Variants in INIP observed in about 807,000 individuals in gnomAD.
The protein encoded by INIP is SOSS complex subunit C.
A neutral mutation model predicts 14.0 loss-of-function variants in INIP; 9 were observed. The observed-to-expected ratio is 0.64, with a 90% CI of 0.39 to 1.12. The LOEUF is 1.12. INIP is among the 50% of genes most tolerant of loss of function. The pLI, the probability that INIP is intolerant of heterozygous loss-of-function variation, is 0.01. For synonymous variants in INIP, 37 were observed against 41.5 expected (o/e 0.89, Z 0.41); for missense variants, 78 against 122.7 (o/e 0.64, Z 1.72).
chr9:112,702,081 T>TACAC (rs543325577), intron 2 of INIP, among the ~76,000 whole-genome samples: 2 of 150,014 alleles, frequency 1.3e-5, no homozygotes, highest in Non-Finnish European at 3.0e-5. Flanking sequence ...TATATACACA[T>TACAC]ACACACACAC....
chr9:112,694,322 G>C lies in INIP; in HGVS notation c.26-89C>G, dbSNP rs553390698. On this transcript the variant is annotated intron_variant, in intron 2 of 4. Transcript: ENST00000374242. Reference sequence around the variant, plus strand: ...CTATTTTTATAACCTAAGTCATCTAGAACCAAGAAAGCAAAACTCCTATTC... The same window carrying C: ...CTATTTTTATAACCTAAGTCATCTACAACCAAGAAAGCAAAACTCCTATTC... The C allele has an allele frequency of 1.4e-4, 108 of 765,242 alleles. 1 individual carries two copies. The South Asian group carries it at 1.5e-3, about 11-fold the overall frequency. The allele number at this position is 765,242 out of a possible 1,614,324, so 47.4% of individuals were successfully genotyped here.
In INIP at chr9:112,698,481, G is replaced by C. The variant is rs192093532; in HGVS notation, c.26-4248C>G. Among the ~76,000 whole-genome samples the C allele has an allele frequency of 1.4e-3, 207 of 152,142 alleles. 2 individuals carry two copies. The highest frequency in any genetic ancestry group is 4.9e-4 in the Non-Finnish European group (33 of 68,000). On this transcript the variant is annotated intron_variant, in intron 2 of 4. Transcript: ENST00000374242. ...TGTGTATGGCAATCTGATGGTAAAA[G>C]GAGCCATATGTAAATAATAACTGAA...
intron 3 of INIP, 144 bp from the exon 4 acceptor site, chr9:112,689,761 TTTAGTA>T: frequency 1.7e-6 from 1 of 585,218 alleles, no homozygotes; most frequent in South Asian, 2.4e-5. Flanking sequence ...AATATGATGT[TTTAGTA>T]TTTGTATTTG....
chr9:112,695,689 G>C (rs1157207916), intron 2 of INIP, among the ~76,000 whole-genome samples: 1 of 148,736 alleles, frequency 6.7e-6, no homozygotes, highest in African/African-American at 2.5e-5. Context: ...AGTAATAGCA[G>C]ACTCCCTCTA....
intron 2 of INIP, among the ~76,000 whole-genome samples, chr9:112,702,402 T>G (rs2131301172): frequency 6.6e-6 from 1 of 152,226 alleles, no homozygotes; most frequent in African/African-American, 2.4e-5. Context: ...ATACATAAAC[T>G]TCTATAAATT....
chr9:112,693,999 C>T (rs1161765114), intron 3 of INIP, 132 bp downstream of exon 3: 9 of 492,016 alleles, frequency 1.8e-5, no homozygotes, highest in Non-Finnish European at 2.8e-5. Context: ...CGCTAGAACC[C>T]GGGAGGCGGA....
chr9:112,709,386 CAG>C (rs1404115989), intron 2 of INIP, among the ~76,000 whole-genome samples: 1 of 151,974 alleles, frequency 6.6e-6, no homozygotes, highest in African/African-American at 2.4e-5. Context: ...TATGGGAAAA[CAG>C]AATGAATAAG....
At chr9:112,708,477 G>A (rs1347433460) in intron 2 of INIP, among the ~76,000 whole-genome samples, 1 of 152,176 alleles carries the variant, frequency 6.6e-6, no homozygotes, top group Non-Finnish European at 1.5e-5. Context: ...AAATCAGGAG[G>A]AGAGTGATGG....
At chr9:112,700,432 T>C (rs1588080565) in intron 2 of INIP, among the ~76,000 whole-genome samples, 1 of 151,764 alleles carries the variant, frequency 6.6e-6, no homozygotes, top group East Asian at 1.9e-4. Flanking sequence ...CTTTAGATCT[T>C]TTCTTCAACC....
intron 2 of INIP, among the ~76,000 whole-genome samples, chr9:112,695,606 A>G (rs1838053730): frequency 6.6e-6 from 1 of 151,808 alleles, no homozygotes; most frequent in Admixed American, 6.6e-5. Context: ...GGCAAAATAA[A>G]CCTCTGGCAC....
intron 4 of INIP, among the ~76,000 whole-genome samples, chr9:112,687,985 C>T (rs1310289945): frequency 6.6e-6 from 1 of 152,004 alleles, no homozygotes; most frequent in Non-Finnish European, 1.5e-5. Context: ...ACTCAGGAGG[C>T]TGAGGCAGGA....
chr9:112,693,190 T>C (rs901959934), intron 3 of INIP, among the ~76,000 whole-genome samples: 1 of 152,194 alleles, frequency 6.6e-6, no homozygotes. Context: ...TTCTTTGATA[T>C]AAAAATTATT....
chr9:112,689,437 T>G, intron 4 of INIP, 90 bp downstream of exon 4: 1 of 992,494 alleles, frequency 1.0e-6, no homozygotes, highest in Non-Finnish European at 1.6e-6. Flanking sequence ...TTTATTGATA[T>G]TGCTCCACTG....
At chr9:112,714,126 A>C (rs1588090379) in intron 2 of INIP, among the ~76,000 whole-genome samples, 1 of 152,356 alleles carries the variant, frequency 6.6e-6, no homozygotes, top group Non-Finnish European at 1.5e-5. Context: ...ATACCATGGA[A>C]TACTACCCCA....
chr9:112,707,308 CAAAT>C lies in INIP; in HGVS notation c.25+9149_25+9152del, dbSNP rs912231970. 7.7e-5 allele frequency among the ~76,000 whole-genome samples: 10 copies of C among 129,742 alleles called. No individual in the cohort carries two copies. The East Asian group carries it at 1.3e-3, about 17-fold the overall frequency. 85.1% of individuals were successfully genotyped at this position (129,742 alleles called of 152,430 possible). ...CTTTATAACTAACCTTTTTAAAAAA[CAAAT>C]AAAAAATCTGTTTCAAACTTTTTTT... On this transcript the variant is annotated intron_variant, in intron 2 of 4. Coordinates refer to ENST00000374242, the MANE Select transcript of INIP (RefSeq NM_021218.3).
chr9:112,717,594 G>C (rs1179286162), intron 1 of INIP, among the ~76,000 whole-genome samples: 1 of 151,994 alleles, frequency 6.6e-6, no homozygotes, highest in African/African-American at 2.4e-5. Context: ...GCAAAGAATT[G>C]ATTTCATTGG....
chr9:112,706,657 G>T (rs1838478550), intron 2 of INIP, among the ~76,000 whole-genome samples: 1 of 152,104 alleles, frequency 6.6e-6, no homozygotes, highest in Non-Finnish European at 1.5e-5. Flanking sequence ...CTACATGAGG[G>T]TTTCTTTTTA....
intron 3 of INIP, among the ~76,000 whole-genome samples, chr9:112,693,397 C>G (rs1355467645): frequency 6.6e-6 from 1 of 152,168 alleles, no homozygotes; most frequent in Non-Finnish European, 1.5e-5. Context: ...ACTCTGCCAA[C>G]AAGCCTTACT....
chr9:112,686,194 T>C lies in INIP; in HGVS notation c.*1344A>G, dbSNP rs1027517238. The C allele has an allele frequency of 3.3e-5, 5 of 152,154 alleles. No homozygotes were observed. The highest frequency in any genetic ancestry group is 1.2e-4 in the African/African-American group (5 of 41,444). 9.4% of individuals were successfully genotyped at this position (152,154 alleles called of 1,614,324 possible). ...ACAGTGTAAAATATCATTTCAATCCTATTAAAAGTTAAAAAAAATGTAGAT... is the reference window on the plus strand; with the variant it reads ...ACAGTGTAAAATATCATTTCAATCCCATTAAAAGTTAAAAAAAATGTAGAT... On this transcript the variant is annotated 3_prime_UTR_variant, in exon 5 of 5. Coordinates refer to ENST00000374242, the MANE Select transcript of INIP (RefSeq NM_021218.3).
Sources: gnomAD v4.1 joint callset for allele counts (sites outside exome capture counted in the v4.1 genomes callset) on GRCh38, gnomAD v4.1.1 for gene constraint, MANE v1.5 for transcripts, NCBI Gene and HGNC (gene_info 2026-07-23, HGNC 2026-07-21) for gene names.